The following FGD5 variants were observed in gnomAD, a reference collection of about 807,000 sequenced individuals.
The protein encoded by FGD5 is FYVE, RhoGEF and PH domain-containing protein 5.
A neutral mutation model predicts 133.4 loss-of-function variants in FGD5; 28 were observed. The ratio of observed to expected loss-of-function variants is 0.21; its 90% CI spans 0.16 to 0.29. FGD5 has a LOEUF of 0.29. FGD5 is among the 10% of genes least tolerant of loss of function. The pLI, the probability that FGD5 is intolerant of heterozygous loss-of-function variation, is 1.00. For synonymous variants in FGD5, 810 were observed against 776.5 expected, an observed-to-expected ratio of 1.04 and a Z score of -0.72; for missense variants, 1,858 against 1,895.2, an observed-to-expected ratio of 0.98 and a Z score of 0.36.
chr3:14,911,811 A>G (rs1315196574), intron 11 of FGD5, among the ~76,000 whole-genome samples: 1 of 148,848 alleles, frequency 6.7e-6, no homozygotes, highest in Non-Finnish European at 1.5e-5. Flanking sequence ...AAAGAGGACT[A>G]AGGAGGGCCA....
Position 14,922,111 on chromosome 3 carries a change from GT to G in FGD5, c.3669+95del, listed in dbSNP as rs1420710659. 1.5e-5 allele frequency: 20 copies of G among 1,304,242 alleles called. No homozygotes were observed. Among genetic ancestry groups the G allele is most frequent in the Non-Finnish European group, 3.2e-6 (3 of 929,922 alleles). 80.8% of individuals were successfully genotyped at this position (1,304,242 alleles called of 1,614,324 possible). Reference sequence around the variant, plus strand: ...TGTTGCCACTCACACCCAGATGGACGTGTAGCTCCTGTCTTGGGGCACTGGC... The same window carrying G: ...TGTTGCCACTCACACCCAGATGGACGGTAGCTCCTGTCTTGGGGCACTGGC... On this transcript the variant is annotated intron_variant, in intron 14 of 19. Transcript: ENST00000285046. The surrounding 1 kb of genome is among the most constrained non-coding windows in gnomAD (Gnocchi z 4.1).
chr3:14,821,319 C>T lies in FGD5; in HGVS notation c.2248C>T (p.Arg750Trp), dbSNP rs1269656063. 7.4e-6 allele frequency: 12 copies of T among 1,613,864 alleles called. No homozygotes were observed. Among genetic ancestry groups the T allele is most frequent in the South Asian group, 2.2e-5 (2 of 91,090 alleles). ...SRVESFEDRS[R>W]PPFLPLPLTK... ...AGTGGAGTCCTTTGAAGACCGCTCC[C>T]GGCCGCCCTTCCTGCCCTTGCCACT... The change falls in exon 1 of 20, where the codon CGG becomes TGG. Residue 750 changes from arginine (R) to tryptophan (W), a missense_variant. Arg to Trp is a moderately radical substitution (Grantham distance 101, BLOSUM62 -3). This residue lies in a region of FGD5 where 1,824 missense variants were observed against 1,848.9 expected (regional missense o/e 0.99). Transcript: ENST00000285046.
Position 14,933,232 on chromosome 3 carries a change from A to G in FGD5, c.*65A>G, listed in dbSNP as rs1246653051. 1.3e-6 allele frequency: 2 copies of G among 1,570,110 alleles called. No homozygotes were observed. Among genetic ancestry groups the G allele is most frequent in the Non-Finnish European group, 1.7e-6 (2 of 1,149,882 alleles). ...CAATATGTGAATGCTTTTAGAAGCTAAGCTGTGGCTCAACTCATCCGGACA... is the reference window on the plus strand; with the variant it reads ...CAATATGTGAATGCTTTTAGAAGCTGAGCTGTGGCTCAACTCATCCGGACA... On this transcript the variant is annotated 3_prime_UTR_variant, in exon 20 of 20. Coordinates refer to ENST00000285046, the MANE Select transcript of FGD5 (RefSeq NM_152536.4).
At chr3:14,930,654 C>T (rs2038886650) in intron 18 of FGD5, 1 of 152,098 alleles carries the variant, frequency 6.6e-6, no homozygotes, top group South Asian at 2.1e-4. Context: ...TTCATATAAA[C>T]TTATCAATTT....
At chr3:14,877,932 C>T (rs573884056) in intron 2 of FGD5, among the ~76,000 whole-genome samples, 3 of 152,304 alleles carry the variant, frequency 2.0e-5, no homozygotes, top group South Asian at 2.1e-4. Context: ...TCCTGTAATA[C>T]GTAAGAACAG....
At chr3:14,881,852 T>C (rs1338404577) in intron 4 of FGD5, among the ~76,000 whole-genome samples, 1 of 152,180 alleles carries the variant, frequency 6.6e-6, no homozygotes, top group Non-Finnish European at 1.5e-5. Context: ...TCACTGGGTG[T>C]TCCTGGCTGC....
upstream of FGD5, among the ~76,000 whole-genome samples, chr3:14,814,087 C>A (rs1020741359): frequency 2.0e-5 from 3 of 152,064 alleles, no homozygotes; most frequent in Admixed American, 2.0e-4. Flanking sequence ...AGGCCCTGGG[C>A]ATTAGTAACT....
intron 1 of FGD5, among the ~76,000 whole-genome samples, chr3:14,858,263 GAGA>G (rs566924557): frequency 6.6e-6 from 1 of 151,836 alleles, no homozygotes; most frequent in Non-Finnish European, 1.5e-5. Flanking sequence ...GGGGATGGGT[GAGA>G]AGGAGGGATG....
chr3:14,821,491 A>G lies in FGD5; in HGVS notation c.2420A>G (p.Gln807Arg), dbSNP rs1457744353. The G allele has an allele frequency of 6.2e-7, 1 of 1,614,038 alleles. No homozygotes were observed. Among genetic ancestry groups the G allele is most frequent in the South Asian group, 1.1e-5 (1 of 91,090 alleles). Residue 807 changes from glutamine (Q) to arginine (R), a missense_variant, in exon 1 of 20, where the codon CAG becomes CGG. Around this residue, in one of 3 missense-constraint regions of FGD5, gnomAD observed 1,824 missense variants for 1,848.9 expected, o/e 0.99. Transcript: ENST00000285046. Reference protein sequence around the residue: ...AGAFTKLFEDQSRALSTANEN... With the variant: ...AGAFTKLFEDRSRALSTANEN... ...GCGTTCACGAAGCTGTTTGAAGATC[A>G]GAGCAGAGCCCTGTCCACAGCAAAC...
intron 1 of FGD5, among the ~76,000 whole-genome samples, chr3:14,853,440 C>G (rs1179939979): frequency 6.6e-6 from 1 of 151,972 alleles, no homozygotes; most frequent in Non-Finnish European, 1.5e-5. Context: ...TTTCCAGCTC[C>G]CAGAGAGCTC....
intron 1 of FGD5, among the ~76,000 whole-genome samples, chr3:14,825,747 C>G (rs955634781): frequency 5.3e-5 from 8 of 152,116 alleles, no homozygotes; most frequent in Admixed American, 3.9e-4. Context: ...TCTAGTCCAA[C>G]ACCCTTAGTT....
chr3:14,916,610 C>A (rs1390645991), intron 11 of FGD5, among the ~76,000 whole-genome samples: 1 of 152,134 alleles, frequency 6.6e-6, no homozygotes, highest in African/African-American at 2.4e-5. Context: ...TTAGTTGGTA[C>A]TGACAAGTGT....
At chr3:14,884,109 T>C (rs2037879211) in intron 4 of FGD5, among the ~76,000 whole-genome samples, 1 of 152,218 alleles carries the variant, frequency 6.6e-6, no homozygotes, top group Non-Finnish European at 1.5e-5. Context: ...GTACCAAAAA[T>C]GCTGGGCCAA....
chr3:14,863,055 C>A (rs1180295800), intron 1 of FGD5, among the ~76,000 whole-genome samples: 1 of 152,216 alleles, frequency 6.6e-6, no homozygotes, highest in Non-Finnish European at 1.5e-5. Flanking sequence ...CTTCCCCCTG[C>A]CTGGGCCAGG....
upstream of FGD5, among the ~76,000 whole-genome samples, chr3:14,818,348 G>A (rs550985705): frequency 3.9e-5 from 6 of 152,198 alleles, no homozygotes; most frequent in South Asian, 4.1e-4. Context: ...AACCTTTGGC[G>A]TGTCATTCAT....
chr3:14,840,142 C>T lies in FGD5; in HGVS notation c.2525+18546C>T, dbSNP rs998700010. ...CATTTACACATTTACATTTATGTTT[C>T]TTTCTTTTTTTTTTTTTTGAGATGG... On this transcript the variant is annotated intron_variant, in intron 1 of 19. Transcript: ENST00000285046. 3.8e-5 allele frequency among the ~76,000 whole-genome samples: 4 copies of T among 104,432 alleles called. No homozygotes were observed. In the East Asian group the frequency reaches 8.6e-4, roughly 22 times the overall value. The allele number at this position is 104,432 out of a possible 152,430, so 68.5% of individuals were successfully genotyped here.
At chr3:14,884,863 A>T (rs183565130) in intron 4 of FGD5, among the ~76,000 whole-genome samples, 126 of 152,226 alleles carry the variant, frequency 8.3e-4, no homozygotes, top group South Asian at 2.1e-3. Flanking sequence ...TGAGTGCAGG[A>T]TGTGGGCAAA....
chr3:14,931,685 G>C lies in FGD5; in HGVS notation c.4198-892G>C, dbSNP rs146078185. The C allele has an allele frequency of 1.7e-4, 26 of 152,334 alleles. No individual in the cohort carries two copies. In the East Asian group the frequency reaches 4.8e-3, roughly 28 times the overall value. 9.4% of individuals were successfully genotyped at this position (152,334 alleles called of 1,614,324 possible). On this transcript the variant is annotated intron_variant, in intron 18 of 19. Coordinates refer to ENST00000285046, the MANE Select transcript of FGD5 (RefSeq NM_152536.4). Reference sequence around the variant, plus strand: ...TTTCCACTGAGCACTATGTGTGTAAGATCCATCTGTGTTCTTTGGGTATAT... The same window carrying C: ...TTTCCACTGAGCACTATGTGTGTAACATCCATCTGTGTTCTTTGGGTATAT...
intron 1 of FGD5, among the ~76,000 whole-genome samples, chr3:14,854,846 C>T (rs953863648): frequency 2.6e-5 from 4 of 152,200 alleles, no homozygotes; most frequent in Non-Finnish European, 5.9e-5. Context: ...AAACGTTGAT[C>T]ATTTCTTTGT....
Sources: allele counts gnomAD v4.1 joint callset (sites outside exome capture counted in the v4.1 genomes callset), GRCh38; gene constraint gnomAD v4.1.1; regional missense constraint gnomAD v4.1.1; non-coding constraint Gnocchi (gnomAD v3.1); transcripts MANE v1.5; gene names NCBI Gene and HGNC (gene_info 2026-07-23, HGNC 2026-07-21).